XNDC1N: variants seen among roughly 807,000 people sequenced by gnomAD.
XNDC1N encodes the protein protein XNDC1N.
At chr11:71,878,859 G>A in the XNDC1N span, among the ~76,000 whole-genome samples, 1 of 149,144 alleles carries the variant, frequency 6.7e-6, no homozygotes, top group African/African-American at 2.4e-5. Context: ...AATTAGTCAG[G>A]TATAGTGGCG....
the XNDC1N span, among the ~76,000 whole-genome samples, chr11:71,918,535 G>A: frequency 1.3e-5 from 2 of 152,230 alleles, no homozygotes; most frequent in East Asian, 1.9e-4. Flanking sequence ...TCCCGCCTTC[G>A]CCTCCCAAAG....
the XNDC1N span, among the ~76,000 whole-genome samples, chr11:71,911,353 G>C: frequency 6.6e-6 from 1 of 152,194 alleles, no homozygotes; most frequent in Non-Finnish European, 1.5e-5. Context: ...GAGCCCTGTC[G>C]AGCCTGATTG....
the XNDC1N span, among the ~76,000 whole-genome samples, chr11:71,884,922 T>C: frequency 1.4e-5 from 2 of 147,304 alleles, no homozygotes; most frequent in Admixed American, 1.3e-4. Flanking sequence ...CCTCTGACTC[T>C]TAGGACCCCC....
the XNDC1N span, among the ~76,000 whole-genome samples, chr11:71,913,063 C>T: frequency 6.6e-6 from 1 of 152,098 alleles, no homozygotes; most frequent in Non-Finnish European, 1.5e-5. Flanking sequence ...TATCCTCTCT[C>T]TCCCAGGGTA....
At chr11:71,879,400 A>G in the XNDC1N span, among the ~76,000 whole-genome samples, 5 of 152,330 alleles carry the variant, frequency 3.3e-5, no homozygotes, top group Non-Finnish European at 7.4e-5. Context: ...AAATTCATCA[A>G]TACCCCATAA....
the XNDC1N span, among the ~76,000 whole-genome samples, chr11:71,886,618 T>G: frequency 5.3e-5 from 8 of 152,152 alleles, no homozygotes; most frequent in East Asian, 1.9e-4. Context: ...TATACTCCCT[T>G]TGATCCTGAT....
the XNDC1N span, among the ~76,000 whole-genome samples, chr11:71,889,017 C>T: frequency 7.2e-5 from 11 of 152,270 alleles, no homozygotes; most frequent in South Asian, 2.1e-4. Context: ...TTCTTCAACC[C>T]CCAAGGAGAG....
the XNDC1N span, chr11:71,917,315 C>T: frequency 1.5e-6 from 1 of 648,676 alleles, no homozygotes; most frequent in East Asian, 2.7e-5. Flanking sequence ...CGCCTGGCCA[C>T]AAAAATATAT....
the XNDC1N span, among the ~76,000 whole-genome samples, chr11:71,896,163 C>T: frequency 6.6e-6 from 1 of 152,164 alleles, no homozygotes; most frequent in East Asian, 1.9e-4. Context: ...CCTGTAGTCT[C>T]AGCTACTCGG....
At chr11:71,913,328 C>A in the XNDC1N span, among the ~76,000 whole-genome samples, 40 of 151,800 alleles carry the variant, frequency 2.6e-4, no homozygotes, top group South Asian at 7.7e-3. Flanking sequence ...GGTGTGTTAA[C>A]CCCCTGCGAT....
At chr11:71,913,896 A>G in the XNDC1N span, among the ~76,000 whole-genome samples, 1 of 152,210 alleles carries the variant, frequency 6.6e-6, no homozygotes, top group East Asian at 1.9e-4. Flanking sequence ...TAAATGGAAC[A>G]GCAAAGCCTA....
chr11:71,870,966 T>G, the XNDC1N span, among the ~76,000 whole-genome samples: 4 of 152,302 alleles, frequency 2.6e-5, no homozygotes, highest in South Asian at 8.3e-4. Flanking sequence ...TATGGAAAAC[T>G]TATAAGTTTC....
the XNDC1N span, among the ~76,000 whole-genome samples, chr11:71,905,045 A>C: frequency 2.2e-4 from 33 of 151,952 alleles, no homozygotes; most frequent in African/African-American, 8.0e-4. Flanking sequence ...TCTCTTTAGG[A>C]TATTACCAAT....
the XNDC1N span, among the ~76,000 whole-genome samples, chr11:71,880,921 G>A: frequency 3.3e-5 from 5 of 152,002 alleles, no homozygotes; most frequent in African/African-American, 9.7e-5. Flanking sequence ...AACTTGTTTT[G>A]TGTCTTAACA....
At chr11:71,900,384 G>A in the XNDC1N span, among the ~76,000 whole-genome samples, 2 of 151,982 alleles carry the variant, frequency 1.3e-5, no homozygotes, top group Non-Finnish European at 2.9e-5. Flanking sequence ...ACCCCTTCAA[G>A]TGAGTGCTGA....
the XNDC1N span, chr11:71,928,511 G>T: frequency 1.4e-6 from 1 of 702,552 alleles, no homozygotes; most frequent in African/African-American, 1.7e-5. Context: ...GCGTTCTGGG[G>T]CTTCAAGAAG....
chr11:71,882,282 G>A, the XNDC1N span, among the ~76,000 whole-genome samples: 2 of 151,172 alleles, frequency 1.3e-5, no homozygotes, highest in African/African-American at 4.9e-5. Flanking sequence ...TTTAGACAGA[G>A]TCTCACTTTG....
At chr11:71,870,515 C>A in the XNDC1N span, among the ~76,000 whole-genome samples, 2 of 151,910 alleles carry the variant, frequency 1.3e-5, no homozygotes. Context: ...AAAGCACAGA[C>A]AATGCAAGCA....
chr11:71,921,766 C>T, the XNDC1N span, among the ~76,000 whole-genome samples: 1 of 152,054 alleles, frequency 6.6e-6, no homozygotes, highest in Non-Finnish European at 1.5e-5. Flanking sequence ...ATACTTGTCC[C>T]CCTCTCCCTT....
Sources: gnomAD v4.1 joint callset for allele counts (sites outside exome capture counted in the v4.1 genomes callset) on GRCh38, gnomAD v4.1.1 for gene constraint, MANE v1.5 for transcripts, NCBI Gene and HGNC (gene_info 2026-07-23, HGNC 2026-07-21) for gene names.